Variants in CDH12 observed in about 807,000 individuals in gnomAD.
The protein encoded by CDH12 is cadherin-12.
In CDH12, 41 loss-of-function variants were observed where a neutral mutation model predicts 74.1. The observed-to-expected ratio is 0.55, with a 90% CI of 0.43 to 0.72. CDH12 has a LOEUF of 0.72. Ranked by LOEUF, CDH12 falls within the 30% of genes least tolerant of loss-of-function variation. The probability of loss-of-function intolerance (pLI) is 0.00; values close to 1 mark genes in which losing one functional copy is unlikely to be tolerated. For missense variants in CDH12, 945 were observed against 977.2 expected (o/e 0.97, Z 0.44); for synonymous variants, 399 against 355.0 (o/e 1.12, Z -1.39).
intron 3 of CDH12, among the ~76,000 whole-genome samples, chr5:22,396,061 A>C (rs901744798): frequency 6.2e-5 from 5 of 80,612 alleles, no homozygotes; most frequent in African/African-American, 2.0e-4. Context: ...TCCTTGATTT[A>C]TATCAATGAT....
At chr5:22,008,777 C>T (rs1048728638) in intron 5 of CDH12, among the ~76,000 whole-genome samples, 7 of 152,116 alleles carry the variant, frequency 4.6e-5, no homozygotes, top group African/African-American at 1.7e-4. Flanking sequence ...GGGATTGCTC[C>T]TGACCTGCGA....
intron 3 of CDH12, among the ~76,000 whole-genome samples, chr5:22,353,965 G>A (rs1296925852): frequency 6.6e-6 from 1 of 152,162 alleles, no homozygotes; most frequent in East Asian, 1.9e-4. Context: ...TGCAGATGCT[G>A]AAACATTTAT....
intron 6 of CDH12, among the ~76,000 whole-genome samples, chr5:21,962,055 TA>T (rs1351168017): frequency 3.9e-5 from 6 of 152,304 alleles, no homozygotes; most frequent in African/African-American, 1.4e-4. Context: ...TCATTTTAAT[TA>T]TGCTATTGGC....
intron 1 of CDH12, among the ~76,000 whole-genome samples, chr5:22,799,251 G>T (rs1748385515): frequency 6.6e-6 from 1 of 152,054 alleles, no homozygotes; most frequent in African/African-American, 2.4e-5. Context: ...ACAGTATTTA[G>T]CACTTGCTAA....
chr5:21,941,560 G>A (rs1193737567), intron 6 of CDH12, among the ~76,000 whole-genome samples: 2 of 151,638 alleles, frequency 1.3e-5, no homozygotes, highest in Non-Finnish European at 2.9e-5. Flanking sequence ...CTGTTTCACT[G>A]AATCAAGCTT....
chr5:22,492,805 A>C (rs555686028), intron 2 of CDH12, among the ~76,000 whole-genome samples: 1 of 152,116 alleles, frequency 6.6e-6, no homozygotes, highest in African/African-American at 2.4e-5. Context: ...TGTGGGAATA[A>C]GTTTTTTCTC....
intron 1 of CDH12, among the ~76,000 whole-genome samples, chr5:22,627,787 G>C (rs1390466664): frequency 6.6e-6 from 1 of 152,030 alleles, no homozygotes; most frequent in Non-Finnish European, 1.5e-5. Flanking sequence ...AAGACACAGA[G>C]GGGCAAGTTG....
At chr5:22,409,110 A>G (rs993092136) in intron 2 of CDH12, among the ~76,000 whole-genome samples, 7 of 152,110 alleles carry the variant, frequency 4.6e-5, no homozygotes, top group African/African-American at 1.4e-4. Context: ...CTTTTGTGCA[A>G]GGAAAATAAG....
At chr5:22,082,865 T>C (rs1742833425) in intron 4 of CDH12, among the ~76,000 whole-genome samples, 1 of 152,226 alleles carries the variant, frequency 6.6e-6, no homozygotes, top group Non-Finnish European at 1.5e-5. Context: ...TCTATCATAC[T>C]GTGCTGTGTT....
chr5:22,715,568 G>C (rs1247624093), intron 1 of CDH12, among the ~76,000 whole-genome samples: 1 of 151,990 alleles, frequency 6.6e-6, no homozygotes, highest in African/African-American at 2.4e-5. Flanking sequence ...TATTTGGGAG[G>C]CCAAGGCGGG....
chr5:21,993,313 C>G (rs1197311059), intron 5 of CDH12, among the ~76,000 whole-genome samples: 1 of 152,120 alleles, frequency 6.6e-6, no homozygotes, highest in Non-Finnish European at 1.5e-5. Flanking sequence ...TGTCCATATC[C>G]TGCATAATCT....
In CDH12 at chr5:21,913,691, G is replaced by T. The variant is rs568876612; in HGVS notation, c.527-58901C>A. ...GGTTTTGTTGTTGTTGTTGTGTTTT[G>T]CTCTGAGACAGGGTCTTGCTGTCAA... On this transcript the variant is annotated intron_variant, in intron 6 of 14. Transcript: ENST00000382254. Among the ~76,000 whole-genome samples, 37 of 151,942 alleles carry T rather than the reference G, an allele frequency of 2.4e-4. No homozygotes were observed. The East Asian group carries it at 6.4e-3, about 26-fold the overall frequency.
intron 1 of CDH12, among the ~76,000 whole-genome samples, chr5:22,614,268 G>A (rs966549102): frequency 6.6e-6 from 1 of 152,072 alleles, no homozygotes; most frequent in African/African-American, 2.4e-5. Flanking sequence ...TCTGAGAAGT[G>A]ATGGCTAAAT....
chr5:22,525,773 G>A (rs1369284862), intron 1 of CDH12, among the ~76,000 whole-genome samples: 1 of 152,116 alleles, frequency 6.6e-6, no homozygotes, highest in Non-Finnish European at 1.5e-5. Context: ...TGCATGTCAT[G>A]TAGTCCAAGA....
chr5:22,827,192 C>T (rs1028793403), intron 1 of CDH12, among the ~76,000 whole-genome samples: 2 of 152,086 alleles, frequency 1.3e-5, no homozygotes, highest in East Asian at 1.9e-4. Context: ...CGGGCTGTGG[C>T]TCCTGAGGGT....
At chr5:22,120,621 G>T (rs777285754) in intron 4 of CDH12, among the ~76,000 whole-genome samples, 3 of 152,038 alleles carry the variant, frequency 2.0e-5, no homozygotes, top group African/African-American at 4.8e-5. Flanking sequence ...TATGCAAAAA[G>T]AACAATGGTT....
At chr5:21,992,631 C>T (rs928083436) in intron 5 of CDH12, among the ~76,000 whole-genome samples, 2 of 151,754 alleles carry the variant, frequency 1.3e-5, no homozygotes, top group Non-Finnish European at 2.9e-5. Context: ...GCATTATTTC[C>T]GAGATTAAAA....
intron 1 of CDH12, among the ~76,000 whole-genome samples, chr5:22,690,466 T>G (rs903286680): frequency 6.6e-6 from 1 of 152,164 alleles, no homozygotes; most frequent in African/African-American, 2.4e-5. Flanking sequence ...TAGCAAGTAT[T>G]TCATTAAATT....
At chr5:22,408,681 T>C (rs1194840125) in intron 2 of CDH12, among the ~76,000 whole-genome samples, 1 of 151,532 alleles carries the variant, frequency 6.6e-6, no homozygotes, top group Non-Finnish European at 1.5e-5. Context: ...TGTGTGCACA[T>C]GTAAATGTTC....
Sources: allele counts gnomAD v4.1 joint callset (sites outside exome capture counted in the v4.1 genomes callset), GRCh38; gene constraint gnomAD v4.1.1; transcripts MANE v1.5; gene names NCBI Gene and HGNC (gene_info 2026-07-23, HGNC 2026-07-21).